Variants in CNTN5 observed in about 807,000 individuals in gnomAD.
CNTN5 encodes the protein contactin 5.
Under a neutral mutation model 129.1 loss-of-function variants are expected in CNTN5, and 77 were observed. The observed-to-expected ratio is 0.60, with a 90% confidence interval of 0.50 to 0.72. CNTN5 has a LOEUF of 0.72. CNTN5 is among the 30% of genes least tolerant of loss of function. The probability of loss-of-function intolerance (pLI) is 0.00; values close to 1 mark genes in which losing one functional copy is unlikely to be tolerated. For missense variants in CNTN5, 1,478 were observed against 1,328.8 expected (o/e 1.11, Z -1.75); for synonymous variants, 509 against 465.6 (o/e 1.09, Z -1.20).
At chr11:99,438,663 A>G (rs1229780013) in intron 2 of CNTN5, among the ~76,000 whole-genome samples, 1 of 152,188 alleles carries the variant, frequency 6.6e-6, no homozygotes, top group Non-Finnish European at 1.5e-5. Context: ...CACTGTATAC[A>G]GTGATGTGTT....
chr11:99,823,986 T>A (rs757604716), intron 4 of CNTN5, among the ~76,000 whole-genome samples: 15 of 152,106 alleles, frequency 9.9e-5, no homozygotes, highest in Non-Finnish European at 1.9e-4. Flanking sequence ...TGTATCTTGG[T>A]ATCTTCAGTT....
intron 6 of CNTN5, among the ~76,000 whole-genome samples, chr11:99,889,099 A>C (rs963622778): frequency 4.6e-5 from 7 of 152,320 alleles, no homozygotes; most frequent in African/African-American, 1.7e-4. Context: ...AGGCAAAATG[A>C]AATTTGTTAT....
At position 99,815,673 on chromosome 11, in the gene CNTN5, G is replaced by A. The variant is rs889679957; in HGVS notation, c.56-3871G>A. 2.8e-4 allele frequency among the ~76,000 whole-genome samples: 43 copies of A among 152,106 alleles called. 1 individual carries two copies. Among genetic ancestry groups the A allele is most frequent in the South Asian group, 2.1e-4 (1 of 4,828 alleles). ...GCAGTGCCCTGTGTGGAGCAGGCAGGAAGCTATGATACTGCTGTGTGCACA... is the reference window on the plus strand; with the variant it reads ...GCAGTGCCCTGTGTGGAGCAGGCAGAAAGCTATGATACTGCTGTGTGCACA... On this transcript the variant is annotated intron_variant, in intron 3 of 24. Transcript: ENST00000524871.
chr11:99,454,151 C>G (rs568376842), intron 2 of CNTN5, among the ~76,000 whole-genome samples: 2 of 151,696 alleles, frequency 1.3e-5, no homozygotes, highest in South Asian at 2.1e-4. Context: ...GCATAATGAA[C>G]AGAAAAAATA....
intron 1 of CNTN5, among the ~76,000 whole-genome samples, chr11:99,113,395 G>T (rs1313160568): frequency 6.6e-6 from 1 of 151,990 alleles, no homozygotes; most frequent in Non-Finnish European, 1.5e-5. Context: ...TATTTTACAG[G>T]TAATGATGGA....
chr11:99,329,144 C>T (rs533185466), intron 2 of CNTN5, among the ~76,000 whole-genome samples: 4 of 151,850 alleles, frequency 2.6e-5, no homozygotes, highest in Non-Finnish European at 5.9e-5. Flanking sequence ...GTTGAAGTTC[C>T]TAAGGAGATG....
intron 9 of CNTN5, among the ~76,000 whole-genome samples, chr11:100,040,356 G>A (rs770592): frequency 0.45 from 68,249 of 151,932 alleles, 16,023 homozygotes; most frequent in African/African-American, 0.57. Flanking sequence ...GTACCTGGCC[G>A]TATGAGGTGT....
chr11:99,027,962 C>A (rs192227363), intron 1 of CNTN5, among the ~76,000 whole-genome samples: 99 of 151,778 alleles, frequency 6.5e-4, no homozygotes, highest in Admixed American at 1.2e-3. Flanking sequence ...AAGTATATAA[C>A]CCCAGTTTGC....
rs2135553876 is a variant in CNTN5 at position 99,562,447 on chromosome 11, C to G, written c.55+6178C>G. Among the ~76,000 whole-genome samples the G allele has an allele frequency of 2.6e-5, 4 of 152,036 alleles. No homozygotes were observed. The South Asian group carries it at 8.3e-4, about 32-fold the overall frequency. The stretch of plus-strand genomic sequence containing the variant: ...TCTTAGTTAAGAACTATTAAGTCCA[C>G]AGAAAAAAATAAATTATCTTTTCTC... On this transcript the variant is annotated intron_variant, in intron 3 of 24. Transcript: ENST00000524871.
At chr11:100,289,370 G>A (rs1248533093) in intron 18 of CNTN5, among the ~76,000 whole-genome samples, 2 of 151,740 alleles carry the variant, frequency 1.3e-5, no homozygotes, top group Non-Finnish European at 2.9e-5. Flanking sequence ...ATAAAATACT[G>A]GCAAACCGAA....
At chr11:100,192,694 A>AACTT (rs1948527666) in intron 14 of CNTN5, among the ~76,000 whole-genome samples, 1 of 151,988 alleles carries the variant, frequency 6.6e-6, no homozygotes, top group African/African-American at 2.4e-5. Flanking sequence ...GCTAATCACT[A>AACTT]ACTTAACTCT....
rs953381348 is a variant in CNTN5, at chr11:99,955,212, A to G, written c.674-1594A>G. On this transcript the variant is annotated intron_variant, in intron 7 of 24. Transcript: ENST00000524871. The stretch of plus-strand genomic sequence containing the variant: ...TATGAATTATGTGTGAATGACAAGT[A>G]ACACTTCCATTATAGCAATTAAAGG... Among the ~76,000 whole-genome samples, 22 of 151,556 alleles carry G rather than the reference A, an allele frequency of 1.5e-4. 1 individual carries two copies. In the South Asian group the frequency reaches 4.4e-3, roughly 30 times the overall value.
At chr11:99,716,716 T>C (rs1955252037) in intron 3 of CNTN5, among the ~76,000 whole-genome samples, 1 of 152,090 alleles carries the variant, frequency 6.6e-6, no homozygotes, top group African/African-American at 2.4e-5. Flanking sequence ...GATAGAGCTC[T>C]CAATATTTTT....
intron 2 of CNTN5, among the ~76,000 whole-genome samples, chr11:99,402,051 G>T (rs553442077): frequency 6.6e-6 from 1 of 151,984 alleles, no homozygotes; most frequent in Non-Finnish European, 1.5e-5. Context: ...AAATTTGGAC[G>T]CACTTTATAT....
At chr11:99,622,472 C>G (rs1477183418) in intron 3 of CNTN5, among the ~76,000 whole-genome samples, 1 of 152,082 alleles carries the variant, frequency 6.6e-6, no homozygotes, top group African/African-American at 2.4e-5. Context: ...TATTAGTCAA[C>G]AAAGTAGAAA....
intron 1 of CNTN5, among the ~76,000 whole-genome samples, chr11:99,257,544 A>G (rs760069876): frequency 2.0e-4 from 30 of 151,910 alleles, no homozygotes; most frequent in Non-Finnish European, 4.3e-4. Flanking sequence ...ATATTCATTG[A>G]TTTTTTTAAT....
Position 99,965,164 on chromosome 11 carries a change from A to G in CNTN5, c.877+8155A>G, listed in dbSNP as rs533308194. 3.2e-4 allele frequency among the ~76,000 whole-genome samples: 49 copies of G among 151,892 alleles called. 1 individual carries two copies. Among genetic ancestry groups the G allele is most frequent in the Admixed American group, 2.4e-3 (37 of 15,246 alleles). ...GTTTTTTGTGTCTTTATTTCCTTTA[A>G]TTCTGCTCTGATCTTAGTTATTTCT... On this transcript the variant is annotated intron_variant, in intron 8 of 24. Coordinates refer to ENST00000524871, the MANE Select transcript of CNTN5 (RefSeq NM_014361.4).
At chr11:99,159,364 T>G (rs924420765) in intron 1 of CNTN5, among the ~76,000 whole-genome samples, 2 of 152,204 alleles carry the variant, frequency 1.3e-5, no homozygotes, top group South Asian at 4.1e-4. Context: ...GGCTCACGCC[T>G]GTAGTCCCAG....
chr11:99,611,535 G>A (rs1950593197), intron 3 of CNTN5, among the ~76,000 whole-genome samples: 1 of 152,194 alleles, frequency 6.6e-6, no homozygotes, highest in Non-Finnish European at 1.5e-5. Flanking sequence ...AATAGAGTCT[G>A]TGGTTGAGTA....
Sources: allele counts gnomAD v4.1 joint callset (sites outside exome capture counted in the v4.1 genomes callset), GRCh38; gene constraint gnomAD v4.1.1; transcripts MANE v1.5; gene names NCBI Gene and HGNC (gene_info 2026-07-23, HGNC 2026-07-21).